SGO2: variants seen among roughly 807,000 people sequenced by gnomAD.
SGO2 encodes the protein shugoshin-like 2.
A neutral mutation model predicts 99.5 loss-of-function variants in SGO2; 68 were observed. That is an observed-to-expected ratio of 0.68 (90% CI 0.56 to 0.84). The LOEUF is 0.84. Ranked by LOEUF, SGO2 falls within the 40% of genes least tolerant of loss-of-function variation. The probability of loss-of-function intolerance (pLI) is 0.00; values close to 1 mark genes in which losing one functional copy is unlikely to be tolerated. For missense variants in SGO2, 1,350 were observed against 1,436.7 expected, an observed-to-expected ratio of 0.94 and a Z score of 0.97; for synonymous variants, 457 against 487.1, an observed-to-expected ratio of 0.94 and a Z score of 0.81.
chr2:200,582,402 A>C (rs1167226577), intron 8 of SGO2, among the ~76,000 whole-genome samples: 2 of 152,162 alleles, frequency 1.3e-5, no homozygotes, highest in East Asian at 3.8e-4. Flanking sequence ...CTTCTTCCAT[A>C]AAGTTGATCT....
intron 5 of SGO2, among the ~76,000 whole-genome samples, chr2:200,559,662 A>G (rs531803510): frequency 2.0e-4 from 31 of 152,146 alleles, no homozygotes; most frequent in African/African-American, 7.5e-4. Context: ...CTAGGTTCAA[A>G]TGATCCTCCT....
intron 4 of SGO2, among the ~76,000 whole-genome samples, chr2:200,540,707 T>G (rs1052172564): frequency 6.6e-6 from 1 of 152,238 alleles, no homozygotes; most frequent in African/African-American, 2.4e-5. Flanking sequence ...CATTTTATTT[T>G]CTGTGTATTA....
Position 200,572,544 on chromosome 2 carries a change from A to G in SGO2, c.2198A>G (p.Lys733Arg). The change falls in exon 7 of 9, where the codon AAA becomes AGA. Residue 733 changes from lysine to arginine, a missense_variant. Coordinates refer to ENST00000357799, the MANE Select transcript of SGO2 (RefSeq NM_152524.6). Reference sequence around the variant, plus strand: ...GAAGTGAATCATTTAGATAATGACAAAAGTATAGAATACACAGTTAAAAGT... The same window carrying G: ...GAAGTGAATCATTTAGATAATGACAGAAGTATAGAATACACAGTTAAAAGT... ...ISEVNHLDND[K>R]SIEYTVKSHS... 1 of 1,612,216 alleles carries G rather than the reference A, an allele frequency of 6.2e-7. No individual in the cohort carries two copies. Among genetic ancestry groups the G allele is most frequent in the Non-Finnish European group, 8.5e-7 (1 of 1,178,772 alleles).
In SGO2 at chr2:200,572,604, T is replaced by A. The variant is rs2033478898; in HGVS notation, c.2258T>A (p.Ile753Asn). Residue 753 changes from isoleucine to asparagine, a missense_variant, in exon 7 of 9, where the codon ATC (isoleucine) becomes AAC (asparagine). Physicochemically the swap from Ile to Asn is moderately radical, Grantham distance 149 (BLOSUM62 -3). Transcript: ENST00000357799. The stretch of plus-strand genomic sequence containing the variant: ...TTTTTAACGCAAAAAGATAAGGAAA[T>A]CATCCCTGGAAACCTAGAAGACCCA... Reference protein sequence around the residue: ...SLFLTQKDKEIIPGNLEDPSE... With the variant: ...SLFLTQKDKENIPGNLEDPSE... The A allele has an allele frequency of 6.2e-7, 1 of 1,613,148 alleles. No homozygotes were observed. Among genetic ancestry groups the A allele is most frequent in the Non-Finnish European group, 8.5e-7 (1 of 1,179,422 alleles).
intron 5 of SGO2, among the ~76,000 whole-genome samples, chr2:200,560,006 G>T (rs866846): frequency 0.79 from 120,771 of 152,098 alleles, 48,169 homozygotes; most frequent in Non-Finnish European, 0.83. Flanking sequence ...AAAATGTGTA[G>T]TTTGCAATGG....
In SGO2 at chr2:200,573,316, A is replaced by G. The variant is rs747491719; in HGVS notation, c.2970A>G (p.Ser990=). The G allele has an allele frequency of 6.9e-6, 11 of 1,605,754 alleles. No individual in the cohort carries two copies. The highest frequency in any genetic ancestry group is 9.3e-6 in the Non-Finnish European group (11 of 1,177,654). Reference sequence around the variant, plus strand: ...TAGTTAAAAAACGTAAGAAAGAATCATCATGCAAGGCAAAGAACATTTTGA... The same window carrying G: ...TAGTTAAAAAACGTAAGAAAGAATCGTCATGCAAGGCAAAGAACATTTTGA... ...YKVVKKRKKE[S]SCKAKNILTK... The change falls in exon 7 of 9, where the codon TCA becomes TCG. Residue 990 remains serine, a synonymous_variant. Coordinates refer to ENST00000357799, the MANE Select transcript of SGO2 (RefSeq NM_152524.6).
At chr2:200,544,657 G>A (rs1464045225) in intron 5 of SGO2, among the ~76,000 whole-genome samples, 2 of 152,036 alleles carry the variant, frequency 1.3e-5, no homozygotes, top group Non-Finnish European at 2.9e-5. Flanking sequence ...CACACATTCT[G>A]TTAGGTATAT....
At position 200,573,550 on chromosome 2, in the gene SGO2, G is replaced by A; in HGVS notation, c.3204G>A (p.Gln1068=). 1.2e-6 allele frequency: 2 copies of A among 1,606,916 alleles called. No individual in the cohort carries two copies. Among genetic ancestry groups the A allele is most frequent in the South Asian group, 2.2e-5 (2 of 89,102 alleles). Residue 1068 remains glutamine, a synonymous_variant, in exon 7 of 9, where the codon CAG becomes CAA. Coordinates refer to ENST00000357799, the MANE Select transcript of SGO2 (RefSeq NM_152524.6). ...FVEEIKEGEC[Q]VKKVNKMTSK... is the part of the protein sequence containing the mutation. ...AAGAAATAAAAGAAGGAGAGTGTCA[G>A]GTTAAAAAGGTAAATAAAATGACAT...
In SGO2 at chr2:200,571,499, A is replaced by G; in HGVS notation, c.1153A>G (p.Lys385Glu). Residue 385 changes from lysine (K) to glutamate (E), a missense_variant, in exon 7 of 9, where the codon AAA becomes GAA. Physicochemically the swap from Lys to Glu is moderately conservative, Grantham distance 56. Transcript: ENST00000357799. ...CACAGTCTCAACAGGCATTAAAAAG[A>G]AAAGTAATAAAAAAACAAATGAACA... ...IVTVSTGIKKKSNKKTNEHGM... is the reference protein window; with the variant it reads ...IVTVSTGIKKESNKKTNEHGM... 6.2e-7 allele frequency: 1 copy of G among 1,611,450 alleles called. No individual in the cohort carries two copies.
rs1308796348 is a variant in SGO2 at position 200,573,122 on chromosome 2, G to A, written c.2776G>A (p.Asp926Asn). 6.3e-7 allele frequency: 1 copy of A among 1,591,412 alleles called. No individual in the cohort carries two copies. Among genetic ancestry groups the A allele is most frequent in the African/African-American group, 1.4e-5 (1 of 73,390 alleles). ...TTCTGAAATGAACCAGATATATGAG[G>A]ATAATGATAAAGATGCACATGTCCA... ...IISEMNQIYE[D>N]NDKDAHVQES... Residue 926 changes from aspartate to asparagine, a missense_variant, in exon 7 of 9, where the codon GAT becomes AAT. Transcript: ENST00000357799.
intron 1 of SGO2, among the ~76,000 whole-genome samples, chr2:200,530,200 G>C (rs565085749): frequency 6.6e-6 from 1 of 152,274 alleles, no homozygotes; most frequent in East Asian, 1.9e-4. Context: ...GAAATAGGGA[G>C]TCAAAGCCTG....
rs775917734 is a variant in SGO2 at position 200,575,409 on chromosome 2, A to G, written c.3730A>G (p.Ser1244Gly). The change falls in exon 8 of 9, where the codon AGC becomes GGC. Residue 1244 changes from serine (S) to glycine (G), a missense_variant. Transcript: ENST00000357799. Reference sequence around the variant, plus strand: ...AGAAGATCTATCTTCAGAACGGACAAGCAGAAGAAGAAGGTGTACTCCTTT... The same window carrying G: ...AGAAGATCTATCTTCAGAACGGACAGGCAGAAGAAGAAGGTGTACTCCTTT... ...KSEDLSSERT[S>G]RRRRCTPFYF... The G allele has an allele frequency of 1.2e-6, 2 of 1,604,708 alleles. No individual in the cohort carries two copies. The highest frequency in any genetic ancestry group is 1.7e-6 in the Non-Finnish European group (2 of 1,173,858).
At chr2:200,562,867 A>T (rs2033029576) in intron 5 of SGO2, among the ~76,000 whole-genome samples, 1 of 152,028 alleles carries the variant, frequency 6.6e-6, no homozygotes, top group Non-Finnish European at 1.5e-5. Context: ...TTTGTCTGTT[A>T]TTGGTGTATA....
At chr2:200,559,268 T>C (rs2106330966) in intron 5 of SGO2, among the ~76,000 whole-genome samples, 1 of 152,356 alleles carries the variant, frequency 6.6e-6, no homozygotes, top group East Asian at 1.9e-4. Context: ...GTTTTGGGTA[T>C]GTAGTGAGGT....
Position 200,533,122 on chromosome 2 carries a change from G to C in SGO2, c.133+14G>C. 1.9e-6 allele frequency: 3 copies of C among 1,553,678 alleles called. No homozygotes were observed. The highest frequency in any genetic ancestry group is 2.6e-6 in the Non-Finnish European group (3 of 1,156,298). The stretch of plus-strand genomic sequence containing the variant: ...CAAAAATACTAAGTAAGTGCCATCA[G>C]TTTTAAAATACACTCACGTTTTAAC... On this transcript the variant is annotated intron_variant, in intron 2 of 8. Coordinates refer to ENST00000357799, the MANE Select transcript of SGO2 (RefSeq NM_152524.6).
Position 200,571,956 on chromosome 2 carries a change from C to T in SGO2, c.1610C>T (p.Thr537Ile), listed in dbSNP as rs749395051. The T allele has an allele frequency of 2.5e-6, 4 of 1,609,886 alleles. No individual in the cohort carries two copies. In the Admixed American group the frequency reaches 5.1e-5, roughly 20 times the overall value. The change falls in exon 7 of 9, where the codon ACA becomes ATA. Residue 537 changes from threonine (T) to isoleucine (I), a missense_variant. Coordinates refer to ENST00000357799, the MANE Select transcript of SGO2 (RefSeq NM_152524.6). ...AATAAAAGTAAAGCTTCTAGACAGACATTTGTGATTCACAAATTAGAAAAA... is the reference window on the plus strand; with the variant it reads ...AATAAAAGTAAAGCTTCTAGACAGATATTTGTGATTCACAAATTAGAAAAA... ...TCNKSKASRQ[T>I]FVIHKLEKDN...
chr2:200,557,846 TA>T (rs1553560781), intron 5 of SGO2, among the ~76,000 whole-genome samples: 5 of 151,102 alleles, frequency 3.3e-5, no homozygotes, highest in Non-Finnish European at 5.9e-5. Flanking sequence ...TATTTTTTCT[TA>T]CCTTGTTGCA....
intron 1 of SGO2, among the ~76,000 whole-genome samples, chr2:200,527,622 C>T (rs1245685743): frequency 6.6e-6 from 1 of 152,190 alleles, no homozygotes; most frequent in African/African-American, 2.4e-5. Context: ...AAAGGAGACC[C>T]ATTCCAAGAG....
At chr2:200,557,782 A>G (rs917366409) in intron 5 of SGO2, among the ~76,000 whole-genome samples, 2 of 151,040 alleles carry the variant, frequency 1.3e-5, no homozygotes, top group Admixed American at 6.6e-5. Context: ...ACCTCCTAAT[A>G]TATAGCTTTT....
Sources: allele counts gnomAD v4.1 joint callset (sites outside exome capture counted in the v4.1 genomes callset), GRCh38; gene constraint gnomAD v4.1.1; transcripts MANE v1.5; gene names NCBI Gene and HGNC (gene_info 2026-07-23, HGNC 2026-07-21).